The following HSDL2 variants were observed in gnomAD, a reference collection of about 807,000 sequenced individuals.
HSDL2 encodes hydroxysteroid dehydrogenase-like protein 2.
In HSDL2, 27 loss-of-function variants were observed where a neutral mutation model predicts 46.3. That is an observed-to-expected ratio of 0.58 (90% CI 0.43 to 0.80). The LOEUF is 0.80. Ranked by LOEUF, HSDL2 falls within the 30% of genes least tolerant of loss-of-function variation. The pLI is 0.00. For missense variants in HSDL2, 451 were observed against 502.7 expected (o/e 0.90, Z 0.98); for synonymous variants, 153 against 163.6 (o/e 0.94, Z 0.50).
At chr9:112,421,623 A>G (rs1042148249) in intron 6 of HSDL2, among the ~76,000 whole-genome samples, 2 of 152,074 alleles carry the variant, frequency 1.3e-5, no homozygotes, top group Non-Finnish European at 2.9e-5. Context: ...CTGGTCTTGA[A>G]CTTCTTGCCT....
At chr9:112,407,338 T>C (rs1361869672) in intron 3 of HSDL2, among the ~76,000 whole-genome samples, 2 of 152,220 alleles carry the variant, frequency 1.3e-5, no homozygotes, top group Non-Finnish European at 2.9e-5. Flanking sequence ...TGTAATTAGT[T>C]TATCCACTAA....
chr9:112,433,225 C>T (rs892486896), intron 6 of HSDL2, among the ~76,000 whole-genome samples: 8 of 152,218 alleles, frequency 5.3e-5, no homozygotes, highest in African/African-American at 9.6e-5. Context: ...GCAGAGGGAG[C>T]GACGCATGCA....
intron 8 of HSDL2, among the ~76,000 whole-genome samples, chr9:112,443,025 A>G (rs1832674780): frequency 6.6e-6 from 1 of 152,206 alleles, no homozygotes; most frequent in Non-Finnish European, 1.5e-5. Context: ...TATTAAAACC[A>G]GGAAAAACAA....
intron 10 of HSDL2, among the ~76,000 whole-genome samples, chr9:112,463,879 TCA>T (rs202025300): frequency 0.015 from 2,265 of 152,156 alleles, 52 homozygotes; most frequent in African/African-American, 0.051. Flanking sequence ...CAGGCTGGTC[TCA>T]AACTCCTGGC....
intron 1 of HSDL2, among the ~76,000 whole-genome samples, chr9:112,389,355 G>GAT (rs1257320150): frequency 3.3e-5 from 5 of 152,256 alleles, no homozygotes; most frequent in Admixed American, 2.0e-4. Flanking sequence ...GAGAAAATAA[G>GAT]ATATAGAGAA....
chr9:112,393,275 G>A lies in HSDL2; in HGVS notation c.18-10720G>A, dbSNP rs144444577. Reference sequence around the variant, plus strand: ...AAATTATTGTCTTTAATTTAGTTACGTCCAAGGATAAATGATCTTCCCTAC... The same window carrying A: ...AAATTATTGTCTTTAATTTAGTTACATCCAAGGATAAATGATCTTCCCTAC... On this transcript the variant is annotated intron_variant, in intron 1 of 10. Coordinates refer to ENST00000398805, the MANE Select transcript of HSDL2 (RefSeq NM_032303.5). Among the ~76,000 whole-genome samples, 714 of 152,260 alleles carry A rather than the reference G, an allele frequency of 4.7e-3. 3 individuals carry two copies. Among genetic ancestry groups the A allele is most frequent in the African/African-American group, 0.015 (630 of 41,544 alleles).
Position 112,470,478 on chromosome 9 carries a change from TAA to T in HSDL2, c.1193_1194del (p.Lys398ArgfsTer2). The T allele has an allele frequency of 1.2e-6, 2 of 1,612,028 alleles. No homozygotes were observed. Among genetic ancestry groups the T allele is most frequent in the Non-Finnish European group, 1.7e-6 (2 of 1,178,860 alleles). On this transcript the variant is annotated frameshift_variant, in exon 11 of 11. Coordinates refer to ENST00000398805, the MANE Select transcript of HSDL2 (RefSeq NM_032303.5). LOFTEE classifies it high-confidence loss of function. ...MAFMSGKLKI[K>X]GNMALAIKLE... ...CATTCATGTCAGGGAAATTGAAGAT[TAA>T]AGGTAACATGGCCCTAGCAATCAAA...
Position 112,470,553 on chromosome 9 carries a change from A to G in HSDL2, c.*9A>G, listed in dbSNP as rs1339458355. 1 of 1,521,006 alleles carries G rather than the reference A, an allele frequency of 6.6e-7. No homozygotes were observed. The allele number at this position is 1,521,006 out of a possible 1,614,324, so 94.2% of individuals were successfully genotyped here. A position where few individuals can be genotyped will look rare whatever the true frequency, so the allele number is the denominator to read the frequency against. ...TGAATGCCAGACTGTGAAGGAAAAT[A>G]TAAAAAAAAAGTCGACTGCTATGCT... On this transcript the variant is annotated 3_prime_UTR_variant, in exon 11 of 11. Transcript: ENST00000398805.
At chr9:112,465,052 A>G (rs1324385116) in intron 10 of HSDL2, among the ~76,000 whole-genome samples, 4 of 152,216 alleles carry the variant, frequency 2.6e-5, no homozygotes, top group Admixed American at 6.5e-5. Flanking sequence ...TTCAAGTTTC[A>G]TCCTTGTAGT....
intron 1 of HSDL2, among the ~76,000 whole-genome samples, chr9:112,384,803 C>A (rs1831182289): frequency 6.6e-6 from 1 of 150,788 alleles, no homozygotes; most frequent in African/African-American, 2.4e-5. Context: ...GTAAATTTTA[C>A]AGTGACAAAT....
chr9:112,457,246 C>T (rs1360957256), intron 9 of HSDL2, among the ~76,000 whole-genome samples: 1 of 152,154 alleles, frequency 6.6e-6, no homozygotes, highest in East Asian at 1.9e-4. Context: ...AAATAAAGTT[C>T]ACAGCAGCAG....
chr9:112,397,021 T>G (rs989960414), intron 1 of HSDL2, among the ~76,000 whole-genome samples: 1 of 152,172 alleles, frequency 6.6e-6, no homozygotes, highest in Non-Finnish European at 1.5e-5. Flanking sequence ...TATATCAGAC[T>G]TAGAACGGCA....
intron 4 of HSDL2, among the ~76,000 whole-genome samples, chr9:112,411,974 A>G (rs529587196): frequency 2.4e-4 from 36 of 152,222 alleles, no homozygotes; most frequent in Non-Finnish European, 4.7e-4. Context: ...AATAAGTTTA[A>G]TGATTTCTGG....
At chr9:112,411,954 G>A (rs887521144) in intron 4 of HSDL2, among the ~76,000 whole-genome samples, 3 of 152,140 alleles carry the variant, frequency 2.0e-5, no homozygotes, top group Admixed American at 6.5e-5. Flanking sequence ...AGTTAAGGGC[G>A]TGTTGTGTGA....
At chr9:112,409,983 C>T (rs1831823018) in intron 4 of HSDL2, among the ~76,000 whole-genome samples, 1 of 151,490 alleles carries the variant, frequency 6.6e-6, no homozygotes, top group Non-Finnish European at 1.5e-5. Flanking sequence ...ATTACTGAAG[C>T]CAGCAATAGT....
intron 6 of HSDL2, among the ~76,000 whole-genome samples, chr9:112,436,553 G>A (rs1832528290): frequency 6.6e-6 from 1 of 152,054 alleles, no homozygotes; most frequent in Non-Finnish European, 1.5e-5. Flanking sequence ...AAATATGTAA[G>A]TTATTCTAGT....
At chr9:112,444,756 A>G (rs2089335721) in intron 8 of HSDL2, among the ~76,000 whole-genome samples, 1 of 151,898 alleles carries the variant, frequency 6.6e-6, no homozygotes, top group Admixed American at 6.6e-5. Flanking sequence ...AAACAAACGA[A>G]AATGCAATAC....
intron 1 of HSDL2, among the ~76,000 whole-genome samples, chr9:112,394,677 A>G (rs1051333125): frequency 3.7e-4 from 57 of 152,244 alleles, no homozygotes; most frequent in African/African-American, 1.3e-3. Flanking sequence ...GAGGCCGGAG[A>G]CCAAATGTCC....
At chr9:112,420,506 TA>T (rs796449568) in intron 6 of HSDL2, among the ~76,000 whole-genome samples, 2,926 of 102,976 alleles carry the variant, frequency 0.028, 97 homozygotes, top group African/African-American at 0.088. Context: ...TGAGGCCTCT[TA>T]AAAAAAAAAA....
Sources: gnomAD v4.1 joint callset for allele counts (sites outside exome capture counted in the v4.1 genomes callset) on GRCh38, gnomAD v4.1.1 for gene constraint, MANE v1.5 for transcripts, NCBI Gene and HGNC (gene_info 2026-07-23, HGNC 2026-07-21) for gene names.